Variants in CDH13 observed in about 807,000 individuals in gnomAD.
The protein encoded by CDH13 is cadherin-13.
Under a neutral mutation model 63.8 loss-of-function variants are expected in CDH13, and 24 were observed. The observed-to-expected ratio is 0.38, with a 90% CI of 0.27 to 0.53. The LOEUF is 0.53. Ranked by LOEUF, CDH13 falls within the 20% of genes least tolerant of loss-of-function variation. The probability of loss-of-function intolerance (pLI) is 0.85; values close to 1 mark genes in which losing one functional copy is unlikely to be tolerated. For synonymous variants in CDH13, 503 were observed against 355.3 expected, an observed-to-expected ratio of 1.42 and a Z score of -4.67; for missense variants, 1,049 against 903.1, an observed-to-expected ratio of 1.16 and a Z score of -2.07.
At chr16:83,587,856 C>T (rs1314110696) in intron 7 of CDH13, among the ~76,000 whole-genome samples, 1 of 152,166 alleles carries the variant, frequency 6.6e-6, no homozygotes. Flanking sequence ...CCCAATTTTA[C>T]ACGGTGGCAA....
chr16:83,272,837 T>G lies in CDH13; in HGVS notation c.636+55340T>G, dbSNP rs9937227. On this transcript the variant is annotated intron_variant, in intron 5 of 13. Coordinates refer to ENST00000567109, the MANE Select transcript of CDH13 (RefSeq NM_001257.5). ...TGGTCCTAGGAGTTTCAAGAACAAC[T>G]ATTCTGTGCAGATCAGTCAGCCCTG... Among the ~76,000 whole-genome samples, 320 of 152,248 alleles carry G rather than the reference T, an allele frequency of 2.1e-3. 3 individuals are homozygous for G. The highest frequency in any genetic ancestry group is 7.5e-3 in the African/African-American group (310 of 41,520).
chr16:83,267,483 G>A (rs575291883), intron 5 of CDH13, among the ~76,000 whole-genome samples: 2 of 152,238 alleles, frequency 1.3e-5, no homozygotes, highest in East Asian at 1.9e-4. Flanking sequence ...CAAAACTCAC[G>A]TTGAAATTTA....
intron 2 of CDH13, among the ~76,000 whole-genome samples, chr16:82,986,239 T>G (rs1340920809): frequency 6.6e-6 from 1 of 152,206 alleles, no homozygotes; most frequent in East Asian, 1.9e-4. Flanking sequence ...TTCATATTGG[T>G]ACGTCTGAGC....
At chr16:82,669,653 G>T (rs1326094110) in intron 1 of CDH13, among the ~76,000 whole-genome samples, 1 of 152,244 alleles carries the variant, frequency 6.6e-6, no homozygotes, top group Non-Finnish European at 1.5e-5. Context: ...TCCCAATTAA[G>T]ATGCTGTTTC....
chr16:82,880,141 C>T (rs1318675546), intron 2 of CDH13, among the ~76,000 whole-genome samples: 2 of 151,740 alleles, frequency 1.3e-5, no homozygotes, highest in South Asian at 4.2e-4. Flanking sequence ...CTGATCATAC[C>T]TACTGATCAG....
intron 5 of CDH13, among the ~76,000 whole-genome samples, chr16:83,264,552 ATGTG>A (rs35460307): frequency 2.7e-5 from 4 of 149,760 alleles, no homozygotes; most frequent in South Asian, 2.1e-4. Flanking sequence ...ATATATATGT[ATGTG>A]TGTGTGTGTG....
chr16:83,150,412 A>G (rs2036928160), intron 4 of CDH13, among the ~76,000 whole-genome samples: 1 of 151,966 alleles, frequency 6.6e-6, no homozygotes, highest in Non-Finnish European at 1.5e-5. Flanking sequence ...TCCCCAATAT[A>G]TGCTTCTGCA....
chr16:83,068,217 C>A (rs1435750382), intron 3 of CDH13, among the ~76,000 whole-genome samples: 1 of 152,166 alleles, frequency 6.6e-6, no homozygotes, highest in African/African-American at 2.4e-5. Flanking sequence ...TTCTTAAGTG[C>A]CAGACATCAT....
At chr16:83,132,082 C>G (rs908915053) in intron 4 of CDH13, among the ~76,000 whole-genome samples, 12 of 152,222 alleles carry the variant, frequency 7.9e-5, no homozygotes, top group African/African-American at 2.9e-4. Flanking sequence ...GAATAGGTGC[C>G]AAGGAGTCTG....
At chr16:82,924,523 CT>C (rs1349922334) in intron 2 of CDH13, among the ~76,000 whole-genome samples, 2 of 152,150 alleles carry the variant, frequency 1.3e-5, no homozygotes, top group East Asian at 1.9e-4. Flanking sequence ...TGCACTGCCG[CT>C]TGTTACTTGG....
At chr16:83,087,202 A>G (rs994754617) in intron 3 of CDH13, among the ~76,000 whole-genome samples, 1 of 152,194 alleles carries the variant, frequency 6.6e-6, no homozygotes, top group Non-Finnish European at 1.5e-5. Flanking sequence ...TGTTTATGCC[A>G]TGTAGGAAAC....
intron 7 of CDH13, among the ~76,000 whole-genome samples, chr16:83,489,094 A>G (rs1178806142): frequency 6.6e-6 from 1 of 152,228 alleles, no homozygotes; most frequent in African/African-American, 2.4e-5. Flanking sequence ...CTTTCACAAG[A>G]AAAAGATGAA....
chr16:82,969,732 A>G (rs969685041), intron 2 of CDH13, among the ~76,000 whole-genome samples: 1 of 152,092 alleles, frequency 6.6e-6, no homozygotes, highest in Non-Finnish European at 1.5e-5. Context: ...GTTGAGGAGA[A>G]TCAGGCTAGT....
At chr16:83,687,026 A>G (rs1481781690) in intron 10 of CDH13, among the ~76,000 whole-genome samples, 1 of 152,174 alleles carries the variant, frequency 6.6e-6, no homozygotes, top group Non-Finnish European at 1.5e-5. Context: ...CCTGACCAAC[A>G]TGGTGAAACC....
At chr16:83,277,961 G>C (rs1433736493) in intron 5 of CDH13, among the ~76,000 whole-genome samples, 2 of 152,054 alleles carry the variant, frequency 1.3e-5, no homozygotes, top group Non-Finnish European at 2.9e-5. Flanking sequence ...TCAGTGAAAT[G>C]CTATATCAAG....
Position 83,510,563 on chromosome 16 carries a change from G to A in CDH13, c.960+23908G>A, listed in dbSNP as rs375280017. Among the ~76,000 whole-genome samples the A allele has an allele frequency of 2.0e-5, 3 of 152,216 alleles. No individual in the cohort carries two copies. In the South Asian group the frequency reaches 6.2e-4, roughly 31 times the overall value. On this transcript the variant is annotated intron_variant, in intron 7 of 13. Transcript: ENST00000567109. The stretch of plus-strand genomic sequence containing the variant: ...ACAGTAACCCTGGGAATAAGGATAT[G>A]TTAGAAGAGAAGGGCTGCAGTAGTT...
At chr16:83,012,319 T>C (rs916722258) in intron 2 of CDH13, among the ~76,000 whole-genome samples, 6 of 8,466 alleles carry the variant, frequency 7.1e-4, no homozygotes, top group Admixed American at 2.9e-3. Flanking sequence ...GTTTCTTTCC[T>C]TTTTTTTTTT....
rs939987099 is a variant in CDH13, at chr16:83,090,104, G to A, written c.367-35281G>A. ...CGTAGATTTGAGGCTTTGACTGGTC[G>A]TCAACCCCACCCACAAAAGCCTACA... is the stretch of plus-strand genomic sequence containing the variant. On this transcript the variant is annotated intron_variant, in intron 3 of 13. Coordinates refer to ENST00000567109, the MANE Select transcript of CDH13 (RefSeq NM_001257.5). Among the ~76,000 whole-genome samples the A allele has an allele frequency of 3.3e-5, 5 of 152,070 alleles. No homozygotes were observed. The East Asian group carries it at 5.8e-4, about 18-fold the overall frequency.
rs541678925 is a variant in CDH13, at chr16:83,011,303, G to A, written c.158-20707G>A. On this transcript the variant is annotated intron_variant, in intron 2 of 13. Transcript: ENST00000567109. ...TGTAAAAAGCTCTTAAAATGATGAC[G>A]TCATGCTTGCAAAGTCTTAGCACAC... 2.2e-4 allele frequency among the ~76,000 whole-genome samples: 33 copies of A among 152,232 alleles called. No homozygotes were observed. In the South Asian group the frequency reaches 2.7e-3, roughly 12 times the overall value.
Sources: gnomAD v4.1 joint callset for allele counts (sites outside exome capture counted in the v4.1 genomes callset) on GRCh38, gnomAD v4.1.1 for gene constraint, MANE v1.5 for transcripts, NCBI Gene and HGNC (gene_info 2026-07-23, HGNC 2026-07-21) for gene names.